The following CAMTA1 variants were observed in gnomAD, a reference collection of about 807,000 sequenced individuals.
CAMTA1 encodes calmodulin binding transcription activator 1.
Under a neutral mutation model 170.9 loss-of-function variants are expected in CAMTA1, and 27 were observed. That is an observed-to-expected ratio of 0.16 (90% CI 0.12 to 0.22). The LOEUF (loss-of-function observed/expected upper bound fraction) is 0.22. Ranked by LOEUF, CAMTA1 falls within the 10% of genes least tolerant of loss-of-function variation. The pLI, the probability that CAMTA1 is intolerant of heterozygous loss-of-function variation, is 1.00. For synonymous variants in CAMTA1, 833 were observed against 891.5 expected, an observed-to-expected ratio of 0.93 and a Z score of 1.17; for missense variants, 1,619 against 2,217.2, an observed-to-expected ratio of 0.73 and a Z score of 5.42.
chr1:7,371,441 G>T (rs146750267), intron 5 of CAMTA1, among the ~76,000 whole-genome samples: 1,937 of 151,834 alleles, frequency 0.013, 45 homozygotes, highest in African/African-American at 0.045. Flanking sequence ...TGCATTTTTA[G>T]TAGAGATGGG....
At chr1:7,137,925 A>G (rs1049011421) in intron 4 of CAMTA1, among the ~76,000 whole-genome samples, 6 of 152,184 alleles carry the variant, frequency 3.9e-5, no homozygotes, top group Non-Finnish European at 8.8e-5. Flanking sequence ...GTTCACTGCC[A>G]TGCTCCCTGG....
In CAMTA1 at chr1:7,286,486, C is replaced by T. The variant is rs1672367235; in HGVS notation, c.438+36860C>T. On this transcript the variant is annotated intron_variant, in intron 5 of 22. Transcript: ENST00000303635. This position sits in a 1 kb window ranked among gnomAD's most constrained non-coding sequence, Gnocchi z 4.2. ...CTTCTCTTTGGGCTGGAATCATGAA[C>T]GTTCAGGGTCGTCACCCTCACCCTG... 1.3e-5 allele frequency among the ~76,000 whole-genome samples: 2 copies of T among 152,150 alleles called. No homozygotes were observed. The highest frequency in any genetic ancestry group is 2.1e-4 in the South Asian group (1 of 4,830).
At chr1:6,882,732 T>C (rs529080435) in intron 3 of CAMTA1, among the ~76,000 whole-genome samples, 4 of 151,966 alleles carry the variant, frequency 2.6e-5, no homozygotes, top group Non-Finnish European at 5.9e-5. Flanking sequence ...TTTCAGCATA[T>C]AGGGGGTTCT....
chr1:7,699,907 T>G (rs942998821), intron 11 of CAMTA1, among the ~76,000 whole-genome samples: 1 of 152,272 alleles, frequency 6.6e-6, no homozygotes, highest in African/African-American at 2.4e-5. Flanking sequence ...GTAAGAGTTC[T>G]CTTTATATTT....
At chr1:7,310,683 TCTCTCTC>T (rs1676500057) in intron 5 of CAMTA1, among the ~76,000 whole-genome samples, 5 of 41,056 alleles carry the variant, frequency 1.2e-4, no homozygotes, top group African/African-American at 1.5e-4. Context: ...TTTCTTTCTC[TCTCTCTC>T]TCTCTCTCTC....
At chr1:7,174,648 A>G (rs996904037) in intron 4 of CAMTA1, among the ~76,000 whole-genome samples, 9 of 152,232 alleles carry the variant, frequency 5.9e-5, no homozygotes, top group Admixed American at 5.9e-4. Context: ...GGGCGACTGC[A>G]TAAAGAACCT....
intron 5 of CAMTA1, among the ~76,000 whole-genome samples, chr1:7,433,922 G>A (rs534511181): frequency 6.6e-6 from 1 of 152,240 alleles, no homozygotes; most frequent in African/African-American, 2.4e-5. Flanking sequence ...CAGCAGCACA[G>A]GATCAGCCCT....
At chr1:7,420,231 G>A (rs1441060003) in intron 5 of CAMTA1, among the ~76,000 whole-genome samples, 1 of 152,084 alleles carries the variant, frequency 6.6e-6, no homozygotes, top group African/African-American at 2.4e-5. Flanking sequence ...ACACTTGGCC[G>A]CCTGGCTCCC....
rs1474091621 is a variant in CAMTA1 at position 7,195,495 on chromosome 1, C to G, written c.303-53996C>G. 2.0e-5 allele frequency among the ~76,000 whole-genome samples: 3 copies of G among 152,140 alleles called. No homozygotes were observed. The highest frequency in any genetic ancestry group is 2.9e-5 in the Non-Finnish European group (2 of 68,038). On this transcript the variant is annotated intron_variant, in intron 4 of 22. Transcript: ENST00000303635. The surrounding 1 kb of genome is among the most constrained non-coding windows in gnomAD (Gnocchi z 4.1). Reference sequence around the variant, plus strand: ...CATGGGGCACAAGCAGGGAATAGAGCTTTCCTGTTACAGCATCATGGCCTC... The same window carrying G: ...CATGGGGCACAAGCAGGGAATAGAGGTTTCCTGTTACAGCATCATGGCCTC...
chr1:7,597,063 C>T (rs1048797297), intron 6 of CAMTA1, among the ~76,000 whole-genome samples: 1 of 152,100 alleles, frequency 6.6e-6, no homozygotes, highest in African/African-American at 2.4e-5. Context: ...TTTCTATTGC[C>T]CCTTGCTGAC....
chr1:7,077,867 T>C lies in CAMTA1; in HGVS notation c.235-13437T>C, dbSNP rs547023573. 2.9e-3 allele frequency among the ~76,000 whole-genome samples: 443 copies of C among 152,286 alleles called. 2 individuals carry two copies. Among genetic ancestry groups the C allele is most frequent in the Non-Finnish European group, 5.8e-3 (392 of 68,026 alleles). On this transcript the variant is annotated intron_variant, in intron 3 of 22. Coordinates refer to ENST00000303635, the MANE Select transcript of CAMTA1 (RefSeq NM_015215.4). ...TGCTACCATGAAAGCCTTTTCTGAC[T>C]TCTTTGAATGACTTACGACCCATTT...
At chr1:7,452,493 G>A (rs1725251) in intron 5 of CAMTA1, among the ~76,000 whole-genome samples, 101,802 of 152,140 alleles carry the variant, frequency 0.67, 34,965 homozygotes, top group African/African-American at 0.82. Flanking sequence ...TCACCCCAAA[G>A]GGAAACTCCC....
intron 1 of CAMTA1, among the ~76,000 whole-genome samples, chr1:6,787,135 C>A (rs1639641935): frequency 6.6e-6 from 1 of 152,264 alleles, no homozygotes; most frequent in Non-Finnish European, 1.5e-5. Flanking sequence ...TTCTGCTTCG[C>A]AGTCAGCCAT....
chr1:7,663,770 C>G lies in CAMTA1; in HGVS notation c.1223C>G (p.Ala408Gly). 6.2e-7 allele frequency: 1 copy of G among 1,614,078 alleles called. No individual in the cohort carries two copies. The highest frequency in any genetic ancestry group is 8.5e-7 in the Non-Finnish European group (1 of 1,180,002). The part of the protein sequence containing the change: ...TVFMSEVTNE[A>G]VYTMSPTAGP... ...TTCATGTCAGAGGTCACCAATGAGG[C>G]CGTGTACACCATGTCCCCCACCGCT... The change falls in exon 9 of 23, where the codon GCC becomes GGC. Residue 408 changes from alanine to glycine, a missense_variant. Physicochemically the swap from Ala to Gly is moderately conservative, Grantham distance 60. This residue lies in a region of CAMTA1 where 731 missense variants were observed against 907.6 expected (regional missense o/e 0.81). Transcript: ENST00000303635.
intron 3 of CAMTA1, among the ~76,000 whole-genome samples, chr1:6,916,107 G>C (rs1361766568): frequency 6.6e-6 from 1 of 152,094 alleles, no homozygotes; most frequent in African/African-American, 2.4e-5. Flanking sequence ...AGAAGGGGAC[G>C]AGAAGGGAGC....
At chr1:7,700,606 G>A (rs533558228) in intron 11 of CAMTA1, 1 of 152,346 alleles carries the variant, frequency 6.6e-6, no homozygotes, top group South Asian at 2.1e-4. Context: ...AGGGGCCCCG[G>A]CTGGCAGAGG....
intron 3 of CAMTA1, among the ~76,000 whole-genome samples, chr1:7,021,680 C>T (rs1572496260): frequency 2.0e-5 from 3 of 152,198 alleles, no homozygotes; most frequent in Admixed American, 2.0e-4. Flanking sequence ...TAGTGTTGCA[C>T]ACCTCAAATA....
intron 22 of CAMTA1, 115 bp downstream of exon 22, chr1:7,755,783 T>C (rs993233632): frequency 5.0e-5 from 42 of 844,082 alleles, no homozygotes; most frequent in Non-Finnish European, 8.5e-5. Context: ...CACATCCATT[T>C]TGAATGAATT....
At chr1:6,884,729 G>A (rs1672693336) in intron 3 of CAMTA1, among the ~76,000 whole-genome samples, 2 of 152,208 alleles carry the variant, frequency 1.3e-5, no homozygotes, top group African/African-American at 4.8e-5. Context: ...GATGCCTTAT[G>A]TGTTGAAGGA....
Sources: gnomAD v4.1 joint callset for allele counts (sites outside exome capture counted in the v4.1 genomes callset) on GRCh38, gnomAD v4.1.1 for gene constraint, gnomAD v4.1.1 regional missense constraint, Gnocchi (gnomAD v3.1) non-coding constraint, MANE v1.5 for transcripts, NCBI Gene and HGNC (gene_info 2026-07-23, HGNC 2026-07-21) for gene names.